Variants in NDC80 observed in about 807,000 individuals in gnomAD.
NDC80 encodes the protein NDC80 kinetochore complex component.
Under a neutral mutation model 89.3 loss-of-function variants are expected in NDC80, and 69 were observed. The observed-to-expected ratio is 0.77, with a 90% CI of 0.64 to 0.94. The LOEUF is 0.94. NDC80 is among the 40% of genes least tolerant of loss of function. The pLI is 0.00. For missense variants in NDC80, 593 were observed against 739.6 expected, an observed-to-expected ratio of 0.80 and a Z score of 2.30; for synonymous variants, 243 against 255.6, an observed-to-expected ratio of 0.95 and a Z score of 0.47.
chr18:2,576,064 A>G (rs2143630233), intron 3 of NDC80, among the ~76,000 whole-genome samples: 1 of 152,304 alleles, frequency 6.6e-6, no homozygotes, highest in East Asian at 1.9e-4. Context: ...GCACCACTGC[A>G]CTCCAGCCTA....
At chr18:2,610,900 T>C in intron 16 of NDC80, 39 bp downstream of exon 16, 1 of 1,222,966 alleles carries the variant, frequency 8.2e-7, no homozygotes, top group Non-Finnish European at 1.1e-6. Flanking sequence ...CTAAGAAAGG[T>C]TTTTAAAACT....
intron 14 of NDC80, among the ~76,000 whole-genome samples, chr18:2,607,404 G>C (rs914845675): frequency 2.6e-5 from 4 of 152,048 alleles, no homozygotes; most frequent in Non-Finnish European, 5.9e-5. Flanking sequence ...CCTAGATAAG[G>C]CTTCCTTGAA....
At chr18:2,598,032 TG>T (rs943300528) in intron 11 of NDC80, among the ~76,000 whole-genome samples, 2 of 152,260 alleles carry the variant, frequency 1.3e-5, no homozygotes, top group Non-Finnish European at 2.9e-5. Flanking sequence ...TTCAATGTTA[TG>T]GGTAATACAT....
chr18:2,606,648 C>A, intron 14 of NDC80, 141 bp downstream of exon 14: 1 of 455,414 alleles, frequency 2.2e-6, no homozygotes, highest in Non-Finnish European at 3.8e-6. Context: ...TTTTCTCTGC[C>A]AAAGTTTATC....
rs1053433693 is a variant in NDC80 at position 2,573,105 on chromosome 18, G to A, written c.101+19G>A. 1 of 1,576,730 alleles carries A rather than the reference G, an allele frequency of 6.3e-7. No individual in the cohort carries two copies. Among genetic ancestry groups the A allele is most frequent in the Non-Finnish European group, 8.7e-7 (1 of 1,152,606 alleles). ...CTCAAACGTGAGTATTTCCCTTGTG[G>A]TTCTAATTTGCATGCTTTATCATCT... On this transcript the variant is annotated intron_variant, in intron 2 of 16. Coordinates refer to ENST00000261597, the MANE Select transcript of NDC80 (RefSeq NM_006101.3).
In NDC80 at chr18:2,590,052, C is replaced by T. The variant is rs539828123; in HGVS notation, c.905C>T (p.Ser302Phe). 3.1e-6 allele frequency: 5 copies of T among 1,587,750 alleles called. No homozygotes were observed. The African/African-American group carries it at 5.4e-5, about 17-fold the overall frequency. ...RLESLRKLKA[S>F]LQGDVQKYQA... ...GAGTCGTTGAGAAAACTGAAGGCTT[C>T]CTTACAAGGAGATGTTCAAAAGTAT... is the stretch of plus-strand genomic sequence containing the variant. The change falls in exon 10 of 17, where the codon TCC (serine) becomes TTC (phenylalanine). Residue 302 changes from serine (S) to phenylalanine (F), a missense_variant. Ser to Phe is a radical substitution (Grantham distance 155). Coordinates refer to ENST00000261597, the MANE Select transcript of NDC80 (RefSeq NM_006101.3).
At chr18:2,604,410 T>G (rs1399674190) in intron 13 of NDC80, among the ~76,000 whole-genome samples, 1 of 152,164 alleles carries the variant, frequency 6.6e-6, no homozygotes, top group Non-Finnish European at 1.5e-5. Context: ...GGACCGGGCA[T>G]AGTGGCTCAC....
In NDC80 at chr18:2,575,647, G is replaced by A. The variant is rs9949008; in HGVS notation, c.179+581G>A. ...TTTTAATGAGCCAGGCTTGTAGACC[G>A]GGTGTGGTGGCTCACACCTGTAATC... On this transcript the variant is annotated intron_variant, in intron 3 of 16. Coordinates refer to ENST00000261597, the MANE Select transcript of NDC80 (RefSeq NM_006101.3). 1.5e-3 allele frequency among the ~76,000 whole-genome samples: 233 copies of A among 151,210 alleles called. 1 individual carries two copies. Among genetic ancestry groups the A allele is most frequent in the Admixed American group, 2.4e-3 (36 of 15,208 alleles).
intron 10 of NDC80, among the ~76,000 whole-genome samples, chr18:2,590,366 A>G (rs1368616743): frequency 6.6e-6 from 1 of 152,222 alleles, no homozygotes; most frequent in African/African-American, 2.4e-5. Context: ...AACAACAGAA[A>G]TGTATTATCG....
chr18:2,586,056 C>A (rs1206272199), intron 7 of NDC80, among the ~76,000 whole-genome samples: 2 of 152,158 alleles, frequency 1.3e-5, no homozygotes, highest in African/African-American at 4.8e-5. Context: ...ATTAATACTT[C>A]CTAGCATACA....
chr18:2,595,581 T>C lies in NDC80; in HGVS notation c.1181T>C (p.Leu394Ser). Residue 394 changes from leucine to serine, a missense_variant, in exon 11 of 17, where the codon TTG becomes TCG. Physicochemically the swap from Leu to Ser is moderately radical, Grantham distance 145. Transcript: ENST00000261597. ...GACCTGGAAGCTGAACAACAGAAGTTGTGGAATGAGGAGTTAAAATATGCC... is the reference window on the plus strand; with the variant it reads ...GACCTGGAAGCTGAACAACAGAAGTCGTGGAATGAGGAGTTAAAATATGCC... ...TKDLEAEQQK[L>S]WNEELKYARG... 1.2e-6 allele frequency: 2 copies of C among 1,613,680 alleles called. No homozygotes were observed. Among genetic ancestry groups the C allele is most frequent in the Non-Finnish European group, 1.7e-6 (2 of 1,179,712 alleles).
intron 16 of NDC80, chr18:2,615,274 G>C (rs960570287): frequency 1.3e-5 from 2 of 152,188 alleles, no homozygotes; most frequent in African/African-American, 4.8e-5. Flanking sequence ...CCAACCTAAT[G>C]GCTTAAAACA....
At chr18:2,607,133 TG>T (rs1349297262) in intron 14 of NDC80, among the ~76,000 whole-genome samples, 14 of 152,298 alleles carry the variant, frequency 9.2e-5, no homozygotes, top group African/African-American at 3.4e-4. Context: ...TCTCTTTGCC[TG>T]TGTTATATTT....
chr18:2,587,985 A>C, intron 8 of NDC80, 62 bp downstream of exon 8: 1 of 1,324,648 alleles, frequency 7.5e-7, no homozygotes, highest in Non-Finnish European at 1.1e-6. Flanking sequence ...ATGGAGTGGT[A>C]ATTTATTTAC....
At chr18:2,597,290 A>T (rs2143654453) in intron 11 of NDC80, among the ~76,000 whole-genome samples, 1 of 152,320 alleles carries the variant, frequency 6.6e-6, no homozygotes, top group South Asian at 2.1e-4. Flanking sequence ...CTTCTTGTTT[A>T]GAAGTTTGGA....
At position 2,599,028 on chromosome 18, in the gene NDC80, C is replaced by G; in HGVS notation, c.1231C>G (p.Gln411Glu). 7 of 1,608,000 alleles carry G rather than the reference C, an allele frequency of 4.4e-6. No individual in the cohort carries two copies. The highest frequency in any genetic ancestry group is 5.9e-6 in the Non-Finnish European group (7 of 1,177,246). ...TGTTCTGTTCTTACAGATTGAAACACAATTAGCAGAGTATCACAAATTGGC... is the reference window on the plus strand; with the variant it reads ...TGTTCTGTTCTTACAGATTGAAACAGAATTAGCAGAGTATCACAAATTGGC... ...YARGKEAIET[Q>E]LAEYHKLARK... Residue 411 changes from glutamine (Q) to glutamate (E), a missense_variant, in exon 12 of 17, where the codon CAA (glutamine) becomes GAA (glutamate). Transcript: ENST00000261597.
chr18:2,603,158 C>T (rs1277249374), intron 13 of NDC80, among the ~76,000 whole-genome samples: 2 of 151,790 alleles, frequency 1.3e-5, no homozygotes, highest in African/African-American at 4.8e-5. Context: ...GCTGAAAATA[C>T]AGATTTGATG....
intron 16 of NDC80, 69 bp downstream of exon 16, chr18:2,610,930 T>G (rs773243131): frequency 6.3e-6 from 6 of 955,638 alleles, no homozygotes; most frequent in Non-Finnish European, 5.8e-6. Context: ...TTCTGCTTTC[T>G]TCCATATAAA....
chr18:2,614,777 C>A (rs139961075), intron 16 of NDC80, among the ~76,000 whole-genome samples: 1 of 152,282 alleles, frequency 6.6e-6, no homozygotes, highest in African/African-American at 2.4e-5. Context: ...AAAGTCATGT[C>A]TATCCTAAAT....
Sources: gnomAD v4.1 joint callset for allele counts (sites outside exome capture counted in the v4.1 genomes callset) on GRCh38, gnomAD v4.1.1 for gene constraint, MANE v1.5 for transcripts, NCBI Gene and HGNC (gene_info 2026-07-23, HGNC 2026-07-21) for gene names.